The following SEMA6D variants were observed in gnomAD, a reference collection of about 807,000 sequenced individuals.
SEMA6D encodes semaphorin-6D.
Under a neutral mutation model 106.6 loss-of-function variants are expected in SEMA6D, and 35 were observed. The ratio of observed to expected loss-of-function variants is 0.33; its 90% CI spans 0.25 to 0.44. The LOEUF (loss-of-function observed/expected upper bound fraction) is 0.44. Ranked by LOEUF, SEMA6D falls within the 20% of genes least tolerant of loss-of-function variation. SEMA6D has a pLI of 1.00. For synonymous variants in SEMA6D, 499 were observed against 487.7 expected (o/e 1.02, Z -0.31); for missense variants, 1,185 against 1,345.9 (o/e 0.88, Z 1.87).
At chr15:47,725,822 A>G (rs2079707775) in intron 1 of SEMA6D, among the ~76,000 whole-genome samples, 1 of 152,214 alleles carries the variant, frequency 6.6e-6, no homozygotes, top group Non-Finnish European at 1.5e-5. Flanking sequence ...TGCTTTGCCA[A>G]GAATTGCTCC....
intron 3 of SEMA6D, among the ~76,000 whole-genome samples, chr15:47,500,023 C>CA (rs750746342): frequency 2.1e-4 from 32 of 152,200 alleles, no homozygotes; most frequent in South Asian, 1.0e-3. Context: ...ATCTCTGCAG[C>CA]AAAAATCTCT....
chr15:47,245,750 T>G (rs1566948375), intron 1 of SEMA6D, among the ~76,000 whole-genome samples: 1 of 152,330 alleles, frequency 6.6e-6, no homozygotes, highest in South Asian at 2.1e-4. Flanking sequence ...GATCCTCTTG[T>G]TTTCAGAGAT....
intron 1 of SEMA6D, among the ~76,000 whole-genome samples, chr15:47,331,772 G>A (rs2037352295): frequency 6.6e-6 from 1 of 152,128 alleles, no homozygotes; most frequent in Non-Finnish European, 1.5e-5. Context: ...ATAAACAGAA[G>A]CCAAAAATAG....
At position 47,574,796 on chromosome 15, in the gene SEMA6D, G is replaced by A. The variant is rs146942191; in HGVS notation, c.-86-26069G>A. Among the ~76,000 whole-genome samples, 123 of 152,246 alleles carry A rather than the reference G, an allele frequency of 8.1e-4. 2 individuals are homozygous for A. In the East Asian group the frequency reaches 0.022, roughly 27 times the overall value. On this transcript the variant is annotated intron_variant, in intron 3 of 19. Transcript: ENST00000558014. ...TAAGATCTCAGTTCTTTTGGATAGAGCCTGATTTCATTCTCAGGTCTCTGC... is the reference window on the plus strand; with the variant it reads ...TAAGATCTCAGTTCTTTTGGATAGAACCTGATTTCATTCTCAGGTCTCTGC...
At chr15:47,538,171 T>G (rs948916870) in intron 3 of SEMA6D, among the ~76,000 whole-genome samples, 6 of 152,172 alleles carry the variant, frequency 3.9e-5, no homozygotes, top group African/African-American at 1.4e-4. Context: ...TATAGTAATT[T>G]GATAGAAGCT....
At position 47,556,761 on chromosome 15, in the gene SEMA6D, C is replaced by T. The variant is rs538528576; in HGVS notation, c.-86-44104C>T. Among the ~76,000 whole-genome samples the T allele has an allele frequency of 7.2e-5, 11 of 152,238 alleles. No homozygotes were observed. In the South Asian group the frequency reaches 1.2e-3, roughly 17 times the overall value. On this transcript the variant is annotated intron_variant, in intron 3 of 19. Coordinates refer to the SEMA6D transcript ENST00000558014. ...TGAGCCCTAGGGAACCATAACATGG[C>T]TGGGGCTGTGTGCTCCTTTTCTCAC... is the stretch of plus-strand genomic sequence containing the variant.
intron 1 of SEMA6D, among the ~76,000 whole-genome samples, chr15:47,396,033 G>A (rs1217090287): frequency 6.6e-6 from 1 of 152,142 alleles, no homozygotes; most frequent in Non-Finnish European, 1.5e-5. Context: ...ATAAGAAGAG[G>A]AAGAGACACC....
intron 2 of SEMA6D, among the ~76,000 whole-genome samples, chr15:47,418,130 C>T (rs987237905): frequency 1.3e-5 from 2 of 152,008 alleles, no homozygotes; most frequent in African/African-American, 2.4e-5. Flanking sequence ...TAAAGCTTTT[C>T]TATGTAGATA....
chr15:47,415,333 A>T (rs1455349579), intron 2 of SEMA6D, among the ~76,000 whole-genome samples: 1 of 152,128 alleles, frequency 6.6e-6, no homozygotes, highest in Non-Finnish European at 1.5e-5. Context: ...AGAGTATGGG[A>T]GGTTATAGAG....
rs559874004 is a variant in SEMA6D at position 47,459,532 on chromosome 15, G to C, written c.-158-10942G>C. Among the ~76,000 whole-genome samples, 139 of 152,128 alleles carry C rather than the reference G, an allele frequency of 9.1e-4. 2 individuals carry two copies. Among genetic ancestry groups the C allele is most frequent in the Admixed American group, 7.4e-3 (113 of 15,258 alleles). ...AACCTAGCTTGGTTTTGCACTGGGT[G>C]GTGGTGACTTACTAAACAAGACAGA... On this transcript the variant is annotated intron_variant, in intron 2 of 19. Transcript: ENST00000558014.
chr15:47,699,526 T>G (rs962197891), intron 4 of SEMA6D, among the ~76,000 whole-genome samples: 7 of 152,182 alleles, frequency 4.6e-5, no homozygotes, highest in African/African-American at 1.7e-4. Context: ...GTTGTTCTGT[T>G]TAATTAACAG....
chr15:47,729,760 C>G (rs769156055), intron 1 of SEMA6D, among the ~76,000 whole-genome samples: 15 of 152,234 alleles, frequency 9.9e-5, no homozygotes, highest in Non-Finnish European at 2.1e-4. Flanking sequence ...TCCCGCTCTT[C>G]TCTTCACTAC....
chr15:47,216,556 G>A (rs17356671), intron 1 of SEMA6D, among the ~76,000 whole-genome samples: 1,848 of 152,164 alleles, frequency 0.012, 42 homozygotes, highest in Admixed American at 0.012. Flanking sequence ...TGAAGTCAAA[G>A]AAATTGCTGC....
chr15:47,570,904 CAT>C (rs2046364225), intron 3 of SEMA6D, among the ~76,000 whole-genome samples: 2 of 152,308 alleles, frequency 1.3e-5, no homozygotes, highest in Admixed American at 6.5e-5. Flanking sequence ...AGAAATGCTC[CAT>C]ATGTTTCAGA....
At chr15:47,438,140 G>T (rs1384815816) in intron 2 of SEMA6D, among the ~76,000 whole-genome samples, 1 of 152,084 alleles carries the variant, frequency 6.6e-6, no homozygotes, top group Non-Finnish European at 1.5e-5. Flanking sequence ...ACTTCTTGGA[G>T]TTATCCTTGA....
At chr15:47,357,796 C>G (rs889658768) in intron 1 of SEMA6D, among the ~76,000 whole-genome samples, 2 of 152,118 alleles carry the variant, frequency 1.3e-5, no homozygotes, top group Admixed American at 1.3e-4. Flanking sequence ...TCAATCCAAC[C>G]AAGTTGACAC....
intron 4 of SEMA6D, among the ~76,000 whole-genome samples, chr15:47,670,552 C>T (rs1040902635): frequency 6.6e-6 from 1 of 152,190 alleles, no homozygotes; most frequent in Non-Finnish European, 1.5e-5. Context: ...TTCTTCCCAG[C>T]AGTGTAGACT....
intron 1 of SEMA6D, among the ~76,000 whole-genome samples, chr15:47,407,403 C>CAAAAAAAAAA (rs1462088729): frequency 1.6e-4 from 13 of 82,238 alleles, no homozygotes; most frequent in East Asian, 7.2e-4. Flanking sequence ...ACAACAACAA[C>CAAAAAAAAAA]AACAACAAAA....
At chr15:47,605,309 G>A (rs2076755506) in intron 4 of SEMA6D, 1 of 152,218 alleles carries the variant, frequency 6.6e-6, no homozygotes, top group Non-Finnish European at 1.5e-5. Context: ...GGCCACTTGA[G>A]TGTCCTCAAG....
Sources: allele counts gnomAD v4.1 joint callset (sites outside exome capture counted in the v4.1 genomes callset), GRCh38; gene constraint gnomAD v4.1.1; transcripts MANE v1.5; gene names NCBI Gene and HGNC (gene_info 2026-07-23, HGNC 2026-07-21).